Variants in ARNT2 observed in about 807,000 individuals in gnomAD.
ARNT2 encodes the protein ARNT protein 2.
In ARNT2, 36 loss-of-function variants were observed where a neutral mutation model predicts 91.7. That is an observed-to-expected ratio of 0.39 (90% confidence interval 0.30 to 0.52). The LOEUF is 0.52. Ranked by LOEUF, ARNT2 falls within the 20% of genes least tolerant of loss-of-function variation. ARNT2 has a pLI of 0.72. For synonymous variants in ARNT2, 365 were observed against 347.1 expected (o/e 1.05, Z -0.57); for missense variants, 775 against 939.3 (o/e 0.83, Z 2.29).
chr15:80,559,332 GCCCC>G (rs1475176437), intron 11 of ARNT2, among the ~76,000 whole-genome samples: 6 of 1,744 alleles, frequency 3.4e-3, no homozygotes, highest in African/African-American at 6.8e-3. Flanking sequence ...CCCAGACCCA[GCCCC>G]AGCCCCAGCC....
rs933429357 is a variant in ARNT2, at chr15:80,576,918, C to T, written c.1566C>T (p.Tyr522=). Residue 522 remains tyrosine, a synonymous_variant, in exon 15 of 19, where the codon TAC becomes TAT. Transcript: ENST00000303329. ...SASAAGTQQI[Y]SQGSPFPSGH... ...CTGCAGCAGGAACCCAGCAGATCTA[C>T]TCCCAAGGAAGCCCATTTCCCTCTG... 1 of 1,614,142 alleles carries T rather than the reference C, an allele frequency of 6.2e-7. No homozygotes were observed.
chr15:80,594,388 T>G lies in ARNT2; in HGVS notation c.*690T>G, dbSNP rs1020668982. The G allele has an allele frequency of 3.3e-5, 5 of 152,344 alleles. No homozygotes were observed. Among genetic ancestry groups the G allele is most frequent in the African/African-American group, 1.2e-4 (5 of 41,464 alleles). The allele number at this position is 152,344 out of a possible 1,614,324, so 9.4% of individuals were successfully genotyped here. A position where few individuals can be genotyped will look rare whatever the true frequency, so the allele number is the denominator to read the frequency against. On this transcript the variant is annotated 3_prime_UTR_variant, in exon 19 of 19. Transcript: ENST00000303329. Reference sequence around the variant, plus strand: ...AGAGTATGTAGAGAGCCAAAATGTGTGGCCCTGTCCCCAAGCTCAGCACCA... The same window carrying G: ...AGAGTATGTAGAGAGCCAAAATGTGGGGCCCTGTCCCCAAGCTCAGCACCA...
At position 80,551,255 on chromosome 15, in the gene ARNT2, G is replaced by A. The variant is rs1391966698; in HGVS notation, c.934G>A (p.Val312Met). 8 of 1,613,772 alleles carry A rather than the reference G, an allele frequency of 5.0e-6. No homozygotes were observed. Among genetic ancestry groups the A allele is most frequent in the East Asian group, 4.5e-5 (2 of 44,898 alleles). ...GGGACAAGGCAGTAAATATTGCCTC[G>A]TGGCAATTGGGAGACTCCAGGTAAG... Reference protein sequence around the residue: ...DVGQGSKYCLVAIGRLQVTSS... With the variant: ...DVGQGSKYCLMAIGRLQVTSS... The change falls in exon 9 of 19, where the codon GTG becomes ATG. Residue 312 changes from valine (V) to methionine (M), a missense_variant. Physicochemically the swap from Val to Met is conservative, Grantham distance 21 (BLOSUM62 1). Around this residue, in one of 5 missense-constraint regions of ARNT2, gnomAD observed 285 missense variants for 327.2 expected, o/e 0.87. Coordinates refer to ENST00000303329, the MANE Select transcript of ARNT2 (RefSeq NM_014862.4).
Position 80,571,941 on chromosome 15 carries a change from C to T in ARNT2, c.1317-2207C>T, listed in dbSNP as rs553588630. Among the ~76,000 whole-genome samples the T allele has an allele frequency of 5.3e-5, 8 of 152,212 alleles. No individual in the cohort carries two copies. In the East Asian group the frequency reaches 1.5e-3, roughly 29 times the overall value. Reference sequence around the variant, plus strand: ...TAACTTTAATATGGGGGTGAAGTAACCACTCTGAAAGCTTAGTGTGAGGAT... The same window carrying T: ...TAACTTTAATATGGGGGTGAAGTAATCACTCTGAAAGCTTAGTGTGAGGAT... On this transcript the variant is annotated intron_variant, in intron 12 of 18. Coordinates refer to ENST00000303329, the MANE Select transcript of ARNT2 (RefSeq NM_014862.4).
At chr15:80,481,241 C>T (rs562876633) in intron 5 of ARNT2, among the ~76,000 whole-genome samples, 1 of 152,220 alleles carries the variant, frequency 6.6e-6, no homozygotes, top group African/African-American at 2.4e-5. Context: ...TAGCAGCTCA[C>T]GAGAACAGCT....
intron 5 of ARNT2, among the ~76,000 whole-genome samples, chr15:80,496,225 C>T (rs1897124954): frequency 6.6e-6 from 1 of 152,166 alleles, no homozygotes. Flanking sequence ...TGACTTATTC[C>T]CATGCCATGG....
At chr15:80,436,718 T>C (rs1410215882) in intron 1 of ARNT2, among the ~76,000 whole-genome samples, 1 of 152,198 alleles carries the variant, frequency 6.6e-6, no homozygotes, top group Non-Finnish European at 1.5e-5. Context: ...TCCCTGGTTA[T>C]GTGGACAGTC....
rs761806603 is a variant in ARNT2, at chr15:80,508,231, C to T, written c.698C>T (p.Ser233Leu). ...TCATCCATGAGGATGTGCATGGGCT[C>T]GCGGCGGTCTTTCATCTGCAGGATG... ...QQSSMRMCMG[S>L]RRSFICRMRC... The change falls in exon 6 of 19, where the codon TCG (serine) becomes TTG (leucine). Residue 233 changes from serine (S) to leucine (L), a missense_variant. Physicochemically the swap from Ser to Leu is moderately radical, Grantham distance 145. Around this residue, in one of 5 missense-constraint regions of ARNT2, gnomAD observed 285 missense variants for 327.2 expected, o/e 0.87. Coordinates refer to ENST00000303329, the MANE Select transcript of ARNT2 (RefSeq NM_014862.4). 5 of 1,613,954 alleles carry T rather than the reference C, an allele frequency of 3.1e-6. No homozygotes were observed. The Admixed American group carries it at 5.0e-5, about 16-fold the overall frequency.
At chr15:80,514,527 GT>G in intron 8 of ARNT2, 122 bp downstream of exon 8, 1 of 833,608 alleles carries the variant, frequency 1.2e-6, no homozygotes, top group Non-Finnish European at 1.9e-6. Context: ...TTTCTTTGTG[GT>G]TAGAACACAA....
At chr15:80,510,235 G>T (rs1420179009) in intron 6 of ARNT2, among the ~76,000 whole-genome samples, 2 of 152,142 alleles carry the variant, frequency 1.3e-5, no homozygotes, top group African/African-American at 4.8e-5. Flanking sequence ...GAAAAACTGA[G>T]TTGTCATTCT....
At chr15:80,578,800 T>C (rs114227950) in intron 15 of ARNT2, among the ~76,000 whole-genome samples, 1,644 of 152,016 alleles carry the variant, frequency 0.011, 38 homozygotes, top group African/African-American at 0.038. Flanking sequence ...AATGACTGAG[T>C]TAATTAAAGG....
Position 80,505,927 on chromosome 15 carries a change from GTT to G in ARNT2, c.623-2210_623-2209del, listed in dbSNP as rs1161520898. ...GAAAAAATGATTCCCAACATTTGTT[GTT>G]TTTTTTTTTTTTTTTTTTGAGACGG... On this transcript the variant is annotated intron_variant, in intron 5 of 18. Transcript: ENST00000303329. Among the ~76,000 whole-genome samples, 128 of 88,946 alleles carry G rather than the reference GTT, an allele frequency of 1.4e-3. No homozygotes were observed. In the East Asian group the frequency reaches 0.024, roughly 16 times the overall value. The allele number at this position is 88,946 out of a possible 152,430, so 58.4% of individuals were successfully genotyped here. A position where few individuals can be genotyped will look rare whatever the true frequency, so the allele number is the denominator to read the frequency against.
intron 1 of ARNT2, among the ~76,000 whole-genome samples, chr15:80,419,130 T>G (rs1895826979): frequency 6.6e-6 from 1 of 152,176 alleles, no homozygotes; most frequent in Non-Finnish European, 1.5e-5. Context: ...CCTCAGTGAT[T>G]TGCAAACTTG....
chr15:80,478,864 T>A (rs1896845496), intron 5 of ARNT2, among the ~76,000 whole-genome samples: 1 of 152,204 alleles, frequency 6.6e-6, no homozygotes, highest in Admixed American at 6.5e-5. Context: ...GTTTAATGCC[T>A]TCAATTATTG....
chr15:80,428,466 T>C (rs925485745), intron 1 of ARNT2, among the ~76,000 whole-genome samples: 5 of 152,224 alleles, frequency 3.3e-5, no homozygotes, highest in African/African-American at 9.6e-5. Context: ...CAGGGTTGTG[T>C]CAAACCTTAC....
rs3935643 is a variant in ARNT2, at chr15:80,562,759, A to G, written c.1165-329A>G. ...CAGAGTACCCTAGCAACCGAGGCAAAAAGAAAAACGCTCTGGCTTGCAGAG... is the reference window on the plus strand; with the variant it reads ...CAGAGTACCCTAGCAACCGAGGCAAGAAGAAAAACGCTCTGGCTTGCAGAG... On this transcript the variant is annotated intron_variant, in intron 11 of 18. Transcript: ENST00000303329. 546 of 316,856 alleles carry G rather than the reference A, an allele frequency of 1.7e-3. 3 individuals are homozygous for G. Among genetic ancestry groups the G allele is most frequent in the African/African-American group, 9.4e-3 (446 of 47,242 alleles). The allele number at this position is 316,856 out of a possible 1,614,324, so 19.6% of individuals were successfully genotyped here.
intron 1 of ARNT2, among the ~76,000 whole-genome samples, chr15:80,416,097 G>A (rs1895781504): frequency 6.6e-6 from 1 of 152,188 alleles, no homozygotes; most frequent in South Asian, 2.1e-4. Context: ...GAATGAATTG[G>A]TCTCCACATC....
chr15:80,586,789 C>T (rs1023484700), intron 17 of ARNT2, among the ~76,000 whole-genome samples: 1 of 147,220 alleles, frequency 6.8e-6, no homozygotes. Flanking sequence ...TGCAGTGAGC[C>T]GAGATTGCAC....
At chr15:80,522,756 T>TACAC (rs201665455) in intron 8 of ARNT2, among the ~76,000 whole-genome samples, 3 of 126,660 alleles carry the variant, frequency 2.4e-5, no homozygotes, top group African/African-American at 9.5e-5. Context: ...TGACTGTACA[T>TACAC]ACACATATAT....
Sources: allele counts gnomAD v4.1 joint callset (sites outside exome capture counted in the v4.1 genomes callset), GRCh38; gene constraint gnomAD v4.1.1; regional missense constraint gnomAD v4.1.1; transcripts MANE v1.5; gene names NCBI Gene and HGNC (gene_info 2026-07-23, HGNC 2026-07-21).